TNNT3: variants seen among roughly 807,000 people sequenced by gnomAD.
TNNT3 encodes the protein troponin T, fast skeletal muscle.
TNNT3 carries 36 observed loss-of-function variants against 54.2 expected under a neutral mutation model. That is an observed-to-expected ratio of 0.66 (90% CI 0.51 to 0.88). The LOEUF (loss-of-function observed/expected upper bound fraction) is 0.88. Ranked by LOEUF, TNNT3 falls within the 40% of genes least tolerant of loss-of-function variation. The pLI is 0.00. For missense variants in TNNT3, 291 were observed against 331.6 expected, an observed-to-expected ratio of 0.88 and a Z score of 0.95; for synonymous variants, 120 against 109.7, an observed-to-expected ratio of 1.09 and a Z score of -0.59.
At chr11:1,931,604 C>A (rs1853374426) in intron 8 of TNNT3, among the ~76,000 whole-genome samples, 1 of 152,108 alleles carries the variant, frequency 6.6e-6, no homozygotes, top group African/African-American at 2.4e-5. Flanking sequence ...GCTCATTTGT[C>A]TCCTGGTGGA....
At position 1,936,016 on chromosome 11, in the gene TNNT3, C is replaced by T. The variant is rs12420709; in HGVS notation, c.682-947C>T. On this transcript the variant is annotated intron_variant, in intron 14 of 15. Transcript: ENST00000278317. Reference sequence around the variant, plus strand: ...GGGGCTGGCCCTGAGACGGGCTTCACGGCACAGGACCCAGGTCCTTCCCAT... The same window carrying T: ...GGGGCTGGCCCTGAGACGGGCTTCATGGCACAGGACCCAGGTCCTTCCCAT... Among the ~76,000 whole-genome samples, 10,831 of 152,288 alleles carry T rather than the reference C, an allele frequency of 0.071. 493 individuals carry two copies. The highest frequency in any genetic ancestry group is 0.095 in the Non-Finnish European group (6,469 of 67,986).
Position 1,927,415 on chromosome 11 carries a change from G to C in TNNT3, c.82+706G>C, listed in dbSNP as rs1234616814. ...ATTCAAGTCAGGGGCCCCAGCTGGG[G>C]AGTGCTTCTCAGCTCCCCCCGTTCA... On this transcript the variant is annotated intron_variant, in intron 6 of 15. Transcript: ENST00000278317. Among the ~76,000 whole-genome samples the C allele has an allele frequency of 3.3e-5, 5 of 152,166 alleles. No individual in the cohort carries two copies. The East Asian group carries it at 5.8e-4, about 18-fold the overall frequency.
rs1308388621 is a variant in TNNT3 at position 1,934,334 on chromosome 11, G to A, written c.369G>A (p.Glu123=). Residue 123 remains glutamate, a splice_region_variant and synonymous_variant, in exon 12 of 16, where the codon GAG becomes GAA. Coordinates refer to ENST00000278317, the MANE Select transcript of TNNT3 (RefSeq NM_006757.4). ...KERERQNRLA[E]EKARREEEDA... ...TCTTGGGAATGGGGTCTCCACAGGAGGAAAAGGCCAGAAGGGAGGAGGAGG... is the reference window on the plus strand; with the variant it reads ...TCTTGGGAATGGGGTCTCCACAGGAAGAAAAGGCCAGAAGGGAGGAGGAGG... 6.2e-7 allele frequency: 1 copy of A among 1,613,596 alleles called. No homozygotes were observed.
chr11:1,925,344 G>T lies in TNNT3; in HGVS notation c.67+228G>T, dbSNP rs765063062. 4.0e-5 allele frequency: 61 copies of T among 1,513,096 alleles called. No individual in the cohort carries two copies. In the African/African-American group the frequency reaches 7.1e-4, roughly 18 times the overall value. The allele number at this position is 1,513,096 out of a possible 1,614,324, so 93.7% of individuals were successfully genotyped here. A position where few individuals can be genotyped will look rare whatever the true frequency, so the allele number is the denominator to read the frequency against. On this transcript the variant is annotated intron_variant, in intron 5 of 15. Coordinates refer to ENST00000278317, the MANE Select transcript of TNNT3 (RefSeq NM_006757.4). Reference sequence around the variant, plus strand: ...GCCTGGCTGGAGCCCATGTGGGGGTGGGGGAGAGGGGGAGAGGGTGGGGAA... The same window carrying T: ...GCCTGGCTGGAGCCCATGTGGGGGTTGGGGAGAGGGGGAGAGGGTGGGGAA...
chr11:1,921,784 C>T (rs1850165723), intron 1 of TNNT3, among the ~76,000 whole-genome samples: 2 of 152,206 alleles, frequency 1.3e-5, no homozygotes, highest in African/African-American at 2.4e-5. Flanking sequence ...CTATTGTCTT[C>T]GAGTAATCTG....
intron 3 of TNNT3, 108 bp downstream of exon 3, chr11:1,923,169 T>A (rs1354326596): frequency 6.8e-7 from 1 of 1,472,714 alleles, no homozygotes; most frequent in Non-Finnish European, 9.5e-7. Flanking sequence ...CAGCCCTACA[T>A]CAGCTGCATC....
In TNNT3 at chr11:1,933,944, C is replaced by T. The variant is rs377446757; in HGVS notation, c.302C>T (p.Ala101Val). The change falls in exon 11 of 16, where the codon GCA becomes GTA. Residue 101 changes from alanine to valine, a missense_variant. Coordinates refer to ENST00000278317, the MANE Select transcript of TNNT3 (RefSeq NM_006757.4). ...CTCTGGCTGCAGGAGAAGCGCCGTG[C>T]AGAGAGAGCGGAGCAGCAGAGGATT... ...ALKERIEKRR[A>V]ERAEQQRIRA... The T allele has an allele frequency of 5.6e-6, 9 of 1,612,746 alleles. No homozygotes were observed. In the South Asian group the frequency reaches 8.8e-5, roughly 16 times the overall value.
At chr11:1,935,209 C>A in intron 14 of TNNT3, 1 of 519,376 alleles carries the variant, frequency 1.9e-6, no homozygotes, top group Non-Finnish European at 3.5e-6. Context: ...GGCAGAGCAG[C>A]CATGGCCAAG....
intron 6 of TNNT3, 104 bp from the exon 7 acceptor site, chr11:1,929,016 A>G: frequency 7.6e-7 from 1 of 1,310,160 alleles, no homozygotes; most frequent in South Asian, 1.2e-5. Context: ...TCCGAGTGAG[A>G]GGGGTGGGCC....
intron 4 of TNNT3, 58 bp downstream of exon 4, chr11:1,923,630 C>A: frequency 7.9e-7 from 1 of 1,273,790 alleles, no homozygotes; most frequent in Non-Finnish European, 1.1e-6. Flanking sequence ...TAACCCCCCT[C>A]TCCCGTGTGG....
chr11:1,921,823 A>G (rs1239065942), intron 1 of TNNT3, among the ~76,000 whole-genome samples: 2 of 152,198 alleles, frequency 1.3e-5, no homozygotes, highest in East Asian at 3.9e-4. Context: ...TTTGTTTTCT[A>G]AAACCCTGGC....
chr11:1,925,960 G>A (rs1851464743), intron 5 of TNNT3, among the ~76,000 whole-genome samples: 1 of 152,194 alleles, frequency 6.6e-6, no homozygotes, highest in African/African-American at 2.4e-5. Context: ...CCCAGCGTTG[G>A]GATGGCAGGA....
At chr11:1,932,130 C>A (rs781277432) in intron 8 of TNNT3, among the ~76,000 whole-genome samples, 1 of 152,206 alleles carries the variant, frequency 6.6e-6, no homozygotes, top group Non-Finnish European at 1.5e-5. Flanking sequence ...GCTTCTCACC[C>A]GACATGGCTG....
chr11:1,924,868 C>A lies in TNNT3; in HGVS notation c.50-231C>A, dbSNP rs1013783236. ...CAGAACCCCTCTCAGGGGCCGGGCCCAGCCCAGCTGACAGTGACCAGCTCT... is the reference window on the plus strand; with the variant it reads ...CAGAACCCCTCTCAGGGGCCGGGCCAAGCCCAGCTGACAGTGACCAGCTCT... On this transcript the variant is annotated intron_variant, in intron 4 of 15. Transcript: ENST00000278317. 8.4e-5 allele frequency: 54 copies of A among 639,076 alleles called. No individual in the cohort carries two copies. In the African/African-American group the frequency reaches 9.0e-4, roughly 11 times the overall value. The allele number at this position is 639,076 out of a possible 1,614,324, so 39.6% of individuals were successfully genotyped here. A position where few individuals can be genotyped will look rare whatever the true frequency, so the allele number is the denominator to read the frequency against.
intron 3 of TNNT3, 44 bp downstream of exon 3, chr11:1,923,105 G>T: frequency 6.2e-7 from 1 of 1,613,198 alleles, no homozygotes; most frequent in South Asian, 1.1e-5. Flanking sequence ...GCTCTAGAAG[G>T]AAGGCTCACA....
chr11:1,919,892 G>A (rs1231516076), intron 1 of TNNT3, 130 bp downstream of exon 1: 1 of 152,288 alleles, frequency 6.6e-6, no homozygotes, highest in African/African-American at 2.4e-5. Flanking sequence ...GTGTGGTGCC[G>A]AGCATCTCGA....
At chr11:1,924,788 C>T in intron 4 of TNNT3, 1 of 574,498 alleles carries the variant, frequency 1.7e-6, no homozygotes, top group Non-Finnish European at 3.1e-6. Context: ...GGCCCCCGTG[C>T]ACAGGCGCCT....
chr11:1,926,499 A>G, intron 5 of TNNT3, 196 bp from the exon 6 acceptor site: 1 of 1,613,148 alleles, frequency 6.2e-7, no homozygotes, highest in South Asian at 1.1e-5. Flanking sequence ...CATGACTTCG[A>G]TGCCACATGG....
chr11:1,925,272 G>C, intron 5 of TNNT3, 156 bp downstream of exon 5: 1 of 1,603,390 alleles, frequency 6.2e-7, no homozygotes, highest in Non-Finnish European at 8.5e-7. Flanking sequence ...AAGTCCATGA[G>C]GAAGGTATGA....
Sources: allele counts gnomAD v4.1 joint callset (sites outside exome capture counted in the v4.1 genomes callset), GRCh38; gene constraint gnomAD v4.1.1; transcripts MANE v1.5; gene names NCBI Gene and HGNC (gene_info 2026-07-23, HGNC 2026-07-21).